The following ANKS1B variants were observed in gnomAD, a reference collection of about 807,000 sequenced individuals.
The protein encoded by ANKS1B is ankyrin repeat and sterile alpha motif domain-containing protein 1B.
ANKS1B carries 36 observed loss-of-function variants against 148.3 expected under a neutral mutation model. The observed-to-expected ratio is 0.24, with a 90% CI of 0.19 to 0.32. ANKS1B has a LOEUF of 0.32. Among genes scored for constraint, ANKS1B ranks in the 10% least tolerant of loss-of-function variants. The pLI is 1.00. For synonymous variants in ANKS1B, 542 were observed against 560.8 expected (o/e 0.97, Z 0.47); for missense variants, 1,157 against 1,542.6 (o/e 0.75, Z 4.19).
intron 15 of ANKS1B, among the ~76,000 whole-genome samples, chr12:99,101,133 A>T (rs2057833898): frequency 6.6e-6 from 1 of 152,198 alleles, no homozygotes; most frequent in African/African-American, 2.4e-5. Flanking sequence ...GGGAGAGACC[A>T]GGTAGCCAGC....
At chr12:98,799,628 G>C (rs2098983224) in intron 21 of ANKS1B, among the ~76,000 whole-genome samples, 1 of 152,080 alleles carries the variant, frequency 6.6e-6, no homozygotes, top group Admixed American at 6.6e-5. Context: ...AATGGAGCTA[G>C]AAGGATGACA....
intron 14 of ANKS1B, among the ~76,000 whole-genome samples, chr12:99,175,104 TAGTC>T (rs5800378): frequency 0.12 from 18,053 of 152,194 alleles, 1,273 homozygotes; most frequent in South Asian, 0.24. Context: ...TTGAATTGTA[TAGTC>T]ACATGCATTT....
At chr12:99,555,812 G>C (rs1393240677) in intron 9 of ANKS1B, among the ~76,000 whole-genome samples, 1 of 152,034 alleles carries the variant, frequency 6.6e-6, no homozygotes, top group Non-Finnish European at 1.5e-5. Context: ...TTAGCTTTTT[G>C]ATGTGCTGCT....
intron 12 of ANKS1B, among the ~76,000 whole-genome samples, chr12:99,375,327 A>G (rs1002752397): frequency 3.3e-5 from 5 of 152,158 alleles, no homozygotes; most frequent in African/African-American, 1.2e-4. Context: ...CCAAGTTGAG[A>G]ACCACTGGTG....
intron 1 of ANKS1B, among the ~76,000 whole-genome samples, chr12:99,835,392 G>A (rs2084686130): frequency 6.6e-6 from 1 of 151,936 alleles, no homozygotes; most frequent in Non-Finnish European, 1.5e-5. Context: ...CTGTGCCACT[G>A]CACTCCAGCC....
intron 4 of ANKS1B, among the ~76,000 whole-genome samples, chr12:99,805,551 C>G (rs191110684): frequency 6.6e-6 from 1 of 152,148 alleles, no homozygotes; most frequent in East Asian, 1.9e-4. Context: ...CACTTGAGCC[C>G]AGGAGGTGGA....
chr12:98,981,443 C>T (rs1461298280), intron 17 of ANKS1B, among the ~76,000 whole-genome samples: 1 of 152,154 alleles, frequency 6.6e-6, no homozygotes, highest in Non-Finnish European at 1.5e-5. Context: ...TCAAGGGATT[C>T]TGCTGCCTCA....
chr12:99,325,138 A>C (rs2086067105), intron 12 of ANKS1B, among the ~76,000 whole-genome samples: 1 of 152,160 alleles, frequency 6.6e-6, no homozygotes, highest in Admixed American at 6.6e-5. Flanking sequence ...ATTCATAGAA[A>C]ATGCATATTA....
At chr12:98,966,504 A>G (rs1186530822) in intron 17 of ANKS1B, among the ~76,000 whole-genome samples, 1 of 152,174 alleles carries the variant, frequency 6.6e-6, no homozygotes, top group Admixed American at 6.5e-5. Context: ...TTCCTCAAGG[A>G]TCTAGAACTA....
intron 17 of ANKS1B, among the ~76,000 whole-genome samples, chr12:98,919,659 T>C (rs1033840078): frequency 1.3e-5 from 2 of 152,180 alleles, no homozygotes; most frequent in African/African-American, 4.8e-5. Flanking sequence ...AAAAAGAACA[T>C]TTTTGTCATT....
intron 10 of ANKS1B, among the ~76,000 whole-genome samples, chr12:99,502,492 G>A (rs940002905): frequency 5.4e-5 from 8 of 147,842 alleles, no homozygotes; most frequent in African/African-American, 1.9e-4. Flanking sequence ...CATTTCTTGA[G>A]GGTTTCAGTA....
intron 4 of ANKS1B, 132 bp downstream of exon 4, chr12:99,806,272 T>A: frequency 8.9e-7 from 1 of 1,126,816 alleles, no homozygotes; most frequent in Non-Finnish European, 1.2e-6. Flanking sequence ...CATAGTACCT[T>A]GAACTCAGTA....
At chr12:99,645,057 C>A (rs10860482) in intron 9 of ANKS1B, among the ~76,000 whole-genome samples, 10 of 152,014 alleles carry the variant, frequency 6.6e-5, no homozygotes, top group Admixed American at 5.2e-4. Context: ...GTTCCTCTGC[C>A]ACATAAGGTA....
rs936546058 is a variant in ANKS1B at position 99,154,944 on chromosome 12, T to G, written c.2420-549A>C. ...TTTTTTTGTCTGCAAGCTGTAAGCC[T>G]GCTGCTGCTGCTTCCTCCTACACAC... On this transcript the variant is annotated intron_variant, in intron 14 of 26. Transcript: ENST00000683438. 9.8e-5 allele frequency: 151 copies of G among 1,534,458 alleles called. 1 individual carries two copies. The Middle Eastern group carries it at 1.5e-3, about 15-fold the overall frequency.
intron 1 of ANKS1B, among the ~76,000 whole-genome samples, chr12:99,866,989 A>C (rs1035603627): frequency 1.3e-5 from 2 of 152,196 alleles, no homozygotes; most frequent in Non-Finnish European, 2.9e-5. Context: ...CCTCTTAAAC[A>C]AGAGGAAAAA....
At chr12:98,900,874 ACTCT>A (rs901325211) in intron 17 of ANKS1B, among the ~76,000 whole-genome samples, 1 of 152,010 alleles carries the variant, frequency 6.6e-6, no homozygotes, top group Non-Finnish European at 1.5e-5. Context: ...ATCTTGTGGA[ACTCT>A]CTCTGGGCAA....
At chr12:99,285,087 T>G (rs2078954334) in intron 12 of ANKS1B, among the ~76,000 whole-genome samples, 1 of 152,194 alleles carries the variant, frequency 6.6e-6, no homozygotes, top group Non-Finnish European at 1.5e-5. Context: ...AAAAATTTCC[T>G]TTTACCCTTT....
chr12:99,643,043 T>C (rs144198386), intron 9 of ANKS1B, among the ~76,000 whole-genome samples: 12 of 152,330 alleles, frequency 7.9e-5, no homozygotes, highest in East Asian at 7.7e-4. Flanking sequence ...GTTAACAATA[T>C]ATGTCCCTTT....
At chr12:99,496,721 T>C (rs1019990341) in intron 10 of ANKS1B, among the ~76,000 whole-genome samples, 2 of 141,786 alleles carry the variant, frequency 1.4e-5, no homozygotes, top group Admixed American at 6.9e-5. Context: ...GTACATCTGA[T>C]AATTTTTTTT....
Sources: gnomAD v4.1 joint callset for allele counts (sites outside exome capture counted in the v4.1 genomes callset) on GRCh38, gnomAD v4.1.1 for gene constraint, MANE v1.5 for transcripts, NCBI Gene and HGNC (gene_info 2026-07-23, HGNC 2026-07-21) for gene names.